The following COL5A1 variants were observed in gnomAD, a reference collection of about 807,000 sequenced individuals.
The protein encoded by COL5A1 is collagen type V alpha 1 chain.
In COL5A1, 16 loss-of-function variants were observed where a neutral mutation model predicts 263.7. The ratio of observed to expected loss-of-function variants is 0.06; its 90% confidence interval spans 0.04 to 0.09. COL5A1 has a LOEUF of 0.09. Among genes scored for constraint, COL5A1 ranks in the 10% least tolerant of loss-of-function variants. The pLI is 1.00. For missense variants in COL5A1, 2,036 were observed against 2,540.5 expected (o/e 0.80, Z 4.27); for synonymous variants, 1,012 against 1,004.5 (o/e 1.01, Z -0.14).
At chr9:134,762,231 G>A (rs910194993) in intron 19 of COL5A1, among the ~76,000 whole-genome samples, 2 of 152,206 alleles carry the variant, frequency 1.3e-5, no homozygotes, top group Non-Finnish European at 2.9e-5. Flanking sequence ...GGAGCTCGGG[G>A]CCAGCTCTCA....
At chr9:134,723,357 C>T (rs971817189) in intron 4 of COL5A1, among the ~76,000 whole-genome samples, 50 of 152,252 alleles carry the variant, frequency 3.3e-4, no homozygotes, top group African/African-American at 1.1e-3. Flanking sequence ...GCAGTAGGTA[C>T]GTGGCGGCCA....
rs143858735 is a variant in COL5A1 at position 134,763,701 on chromosome 9, C to T, written c.1998C>T (p.Asp666=). The change falls in exon 20 of 66, where the codon GAC becomes GAT. Residue 666 remains aspartate (D), a synonymous_variant. Coordinates refer to ENST00000371817, the MANE Select transcript of COL5A1 (RefSeq NM_000093.5). ...TTTTTTCTCCTCTGCAGGGTGACGA[C>T]GGAGAAGTTGGGCCCAGGGGGCTGC... The part of the protein sequence containing the change: ...PPGDDGERGD[D]GEVGPRGLPG... 3.0e-4 allele frequency: 486 copies of T among 1,613,656 alleles called. 2 individuals are homozygous for T. Among genetic ancestry groups the T allele is most frequent in the Admixed American group, 1.0e-4 (6 of 60,004 alleles).
chr9:134,745,240 A>C (rs545862680), intron 11 of COL5A1, among the ~76,000 whole-genome samples: 1 of 152,346 alleles, frequency 6.6e-6, no homozygotes, highest in East Asian at 1.9e-4. Flanking sequence ...ATACATTATC[A>C]TATGGAAAAG....
In COL5A1 at chr9:134,821,165, T is replaced by C. The variant is rs544067061; in HGVS notation, c.4555-932T>C. Among the ~76,000 whole-genome samples, 1 of 151,932 alleles carries C rather than the reference T, an allele frequency of 6.6e-6. No homozygotes were observed. The highest frequency in any genetic ancestry group is 6.5e-5 in the Admixed American group (1 of 15,282). On this transcript the variant is annotated intron_variant, in intron 58 of 65. Transcript: ENST00000371817. This position sits in a 1 kb window ranked among gnomAD's most constrained non-coding sequence, Gnocchi z 4.2. Reference sequence around the variant, plus strand: ...CGTCGGAGGAGTGCCGCCCAGGGTGTGGTGGCCCGGCAACCACGAGAATTA... The same window carrying C: ...CGTCGGAGGAGTGCCGCCCAGGGTGCGGTGGCCCGGCAACCACGAGAATTA...
At chr9:134,714,207 A>G (rs1324178033) in intron 4 of COL5A1, among the ~76,000 whole-genome samples, 2 of 152,072 alleles carry the variant, frequency 1.3e-5, no homozygotes, top group African/African-American at 4.8e-5. Context: ...CTACAGAGGC[A>G]TGTTCGGGAA....
At chr9:134,763,934 G>A (rs577149954) in intron 20 of COL5A1, among the ~76,000 whole-genome samples, 197 bp downstream of exon 20, 1 of 151,592 alleles carries the variant, frequency 6.6e-6, no homozygotes, top group Admixed American at 6.6e-5. Flanking sequence ...GCAACTCCAG[G>A]AGGAAGTCTG....
In COL5A1 at chr9:134,766,471, C is replaced by T. The variant is rs534445410; in HGVS notation, c.2106C>T (p.Asp702=). 2.3e-5 allele frequency: 37 copies of T among 1,614,020 alleles called. No individual in the cohort carries two copies. Among genetic ancestry groups the T allele is most frequent in the African/African-American group, 1.1e-4 (8 of 74,918 alleles). Residue 702 remains aspartate, a synonymous_variant, in exon 22 of 66, where the codon GAC becomes GAT. Coordinates refer to ENST00000371817, the MANE Select transcript of COL5A1 (RefSeq NM_000093.5). ...PPGPPGVTGM[D]GQPGPKGNVG... is the part of the protein sequence containing the mutation. ...GTACACAGGGTGTCACGGGTATGGA[C>T]GGCCAGCCGGGGCCAAAAGGAAATG...
chr9:134,732,187 G>A (rs1032499578), intron 9 of COL5A1, 60 bp downstream of exon 9: 67 of 1,581,124 alleles, frequency 4.2e-5, no homozygotes, highest in South Asian at 2.2e-5. Context: ...GGGTCACAGC[G>A]GGGTGTGTAG....
At position 134,843,957 on chromosome 9, in the gene COL5A1, CTGCCGTCTGTGGG is replaced by C. The variant is rs1366423206; in HGVS notation, c.*1655_*1667del. ...TTTCCTGGCCATCGAGGTCGGGGGG[CTGCCGTCTGTGGG>C]CAGGAGGACCCGAGGGGCAGCCAGG... On this transcript the variant is annotated 3_prime_UTR_variant, in exon 66 of 66. Transcript: ENST00000371817. The C allele has an allele frequency of 1.3e-5, 2 of 152,264 alleles. No individual in the cohort carries two copies. The highest frequency in any genetic ancestry group is 2.4e-5 in the African/African-American group (1 of 41,460). The allele number at this position is 152,264 out of a possible 1,614,324, so 9.4% of individuals were successfully genotyped here.
rs1207902325 is a variant in COL5A1 at position 134,790,588 on chromosome 9, AT to A, written c.2700+1381del. Among the ~76,000 whole-genome samples, 8 of 77,020 alleles carry A rather than the reference AT, an allele frequency of 1.0e-4. No homozygotes were observed. In the East Asian group the frequency reaches 3.6e-3, roughly 35 times the overall value. The allele number at this position is 77,020 out of a possible 152,430, so 50.5% of individuals were successfully genotyped here. ...CACCCACCCATCCATCCATCCATCC[AT>A]CTATCCATCCACCCACCCATCCATC... On this transcript the variant is annotated intron_variant, in intron 32 of 65. Coordinates refer to ENST00000371817, the MANE Select transcript of COL5A1 (RefSeq NM_000093.5).
In COL5A1 at chr9:134,754,324, C is replaced by T. The variant is rs772579783; in HGVS notation, c.1825C>T (p.Arg609Trp). 2.4e-5 allele frequency: 39 copies of T among 1,613,918 alleles called. No individual in the cohort carries two copies. Among genetic ancestry groups the T allele is most frequent in the Admixed American group, 5.0e-5 (3 of 60,012 alleles). Residue 609 changes from arginine to tryptophan, a missense_variant and splice_region_variant, in exon 16 of 66, where the codon CGG becomes TGG. Arg to Trp is a moderately radical substitution (Grantham distance 101). Coordinates refer to ENST00000371817, the MANE Select transcript of COL5A1 (RefSeq NM_000093.5). This position sits in a 1 kb window ranked among gnomAD's most constrained non-coding sequence, Gnocchi z 4.3. Reference protein sequence around the residue: ...PPGPAGKPGRRGRAGSDGARG... With the variant: ...PPGPAGKPGRWGRAGSDGARG... ...TGGTCCGGCCGGGAAGCCCGGAAGA[C>T]GGGTGAGTGGTGCGAGTGTGTGTGG...
chr9:134,694,575 C>T (rs1833395017), intron 2 of COL5A1, among the ~76,000 whole-genome samples: 1 of 152,240 alleles, frequency 6.6e-6, no homozygotes, highest in South Asian at 2.1e-4. Context: ...AGAATTTCCC[C>T]CCTCATTCGA....
At chr9:134,761,258 C>T (rs1482100386) in intron 18 of COL5A1, among the ~76,000 whole-genome samples, 1 of 151,472 alleles carries the variant, frequency 6.6e-6, no homozygotes, top group East Asian at 1.9e-4. Flanking sequence ...TCCACCCACA[C>T]ACGTGCACTC....
At chr9:134,796,825 A>G (rs1162569673) in intron 35 of COL5A1, 23 bp from the exon 36 acceptor site, 7 of 1,613,528 alleles carry the variant, frequency 4.3e-6, no homozygotes, top group Non-Finnish European at 5.9e-6. Flanking sequence ...CTTGTCCTCA[A>G]ACTGGCCTTT....
Sources: gnomAD v4.1 joint callset for allele counts (sites outside exome capture counted in the v4.1 genomes callset) on GRCh38, gnomAD v4.1.1 for gene constraint, Gnocchi (gnomAD v3.1) non-coding constraint, MANE v1.5 for transcripts, NCBI Gene and HGNC (gene_info 2026-07-23, HGNC 2026-07-21) for gene names.